Variants in OPTC observed in about 807,000 individuals in gnomAD.
OPTC encodes the protein oculoglycan.
Under a neutral mutation model 25.4 loss-of-function variants are expected in OPTC, and 22 were observed. The observed-to-expected ratio is 0.87, with a 90% CI of 0.62 to 1.24. The LOEUF is 1.24. OPTC is among the 50% of genes most tolerant of loss of function. OPTC has a pLI of 0.00. For missense variants in OPTC, 417 were observed against 425.2 expected (o/e 0.98, Z 0.17); for synonymous variants, 169 against 179.3 (o/e 0.94, Z 0.46).
intron 1 of OPTC, among the ~76,000 whole-genome samples, chr1:203,494,465 C>T (rs1661246693): frequency 6.6e-6 from 1 of 152,026 alleles, no homozygotes; most frequent in East Asian, 1.9e-4. Context: ...AGGCTTGCCC[C>T]CTTGCCCAGC....
intron 5 of OPTC, among the ~76,000 whole-genome samples, chr1:203,500,165 C>A (rs372556756): frequency 4.2e-3 from 10 of 2,408 alleles, no homozygotes; most frequent in Non-Finnish European, 2.9e-3. Flanking sequence ...CCTCCACCAC[C>A]CACCTCCACC....
rs910074933 is a variant in OPTC at position 203,499,603 on chromosome 1, T to C, written c.530-46T>C. 9.4e-6 allele frequency: 14 copies of C among 1,493,402 alleles called. No individual in the cohort carries two copies. In the East Asian group the frequency reaches 2.7e-4, roughly 29 times the overall value. The allele number at this position is 1,493,402 out of a possible 1,614,324, so 92.5% of individuals were successfully genotyped here. ...CAGCTCCAACCTGGACAAGGAAAGA[T>C]AGTGTGTTCTGGTTTCTCTCTTTGT... On this transcript the variant is annotated intron_variant, in intron 4 of 7. Transcript: ENST00000367222.
chr1:203,499,499 C>T, intron 4 of OPTC, 150 bp from the exon 5 acceptor site: 3 of 769,584 alleles, frequency 3.9e-6, no homozygotes, highest in South Asian at 2.7e-5. Flanking sequence ...TATGTTATTT[C>T]CTCTGGTTTG....
chr1:203,503,046 C>T (rs774316936), intron 6 of OPTC, 37 bp downstream of exon 6: 4 of 1,523,902 alleles, frequency 2.6e-6, no homozygotes, highest in African/African-American at 1.4e-5. Context: ...TGATAAACAG[C>T]GTGGAGGATG....
chr1:203,496,984 T>C lies in OPTC; in HGVS notation c.239T>C (p.Val80Ala). Residue 80 changes from valine (V) to alanine (A), a missense_variant, in exon 3 of 8, where the codon GTG becomes GCG. By Grantham distance (64) the Val-to-Ala change is moderately conservative (BLOSUM62 0). Coordinates refer to ENST00000367222, the MANE Select transcript of OPTC (RefSeq NM_014359.4). ...TCTGTGCTACATCTCCAGGTTAAGG[T>C]GACTAGCCTCGCTCCTGCAACCAGC... ...DYGDQLPEVK[V>A]TSLAPATSIS... The C allele has an allele frequency of 6.2e-7, 1 of 1,614,006 alleles. No homozygotes were observed. The highest frequency in any genetic ancestry group is 8.5e-7 in the Non-Finnish European group (1 of 1,180,010).
chr1:203,507,568 G>A (rs180711833), intron 7 of OPTC, among the ~76,000 whole-genome samples: 4 of 152,218 alleles, frequency 2.6e-5, no homozygotes, highest in Non-Finnish European at 4.4e-5. Flanking sequence ...CTGTGTGAAG[G>A]GGAGTGCCTC....
rs765066463 is a variant in OPTC, at chr1:203,502,873, C to G, written c.733-41C>G. On this transcript the variant is annotated intron_variant, in intron 5 of 7. Coordinates refer to ENST00000367222, the MANE Select transcript of OPTC (RefSeq NM_014359.4). Reference sequence around the variant, plus strand: ...AGCCCTCCTCACTGCCAGGGTCCAACAGGACCCACCAGCCTCCTACACTCT... The same window carrying G: ...AGCCCTCCTCACTGCCAGGGTCCAAGAGGACCCACCAGCCTCCTACACTCT... 1.0e-5 allele frequency: 15 copies of G among 1,487,020 alleles called. No homozygotes were observed. The African/African-American group carries it at 1.8e-4, about 18-fold the overall frequency. 92.1% of individuals were successfully genotyped at this position (1,487,020 alleles called of 1,614,324 possible). A position where few individuals can be genotyped will look rare whatever the true frequency, so the allele number is the denominator to read the frequency against.
rs1031555242 is a variant in OPTC at position 203,499,749 on chromosome 1, G to C, written c.630G>C (p.Glu210Asp). The C allele has an allele frequency of 9.3e-6, 15 of 1,613,092 alleles. No individual in the cohort carries two copies. Among genetic ancestry groups the C allele is most frequent in the South Asian group, 2.2e-5 (2 of 91,074 alleles). The change falls in exon 5 of 8, where the codon GAG becomes GAC. Residue 210 changes from glutamate to aspartate, a missense_variant. Transcript: ENST00000367222. The stretch of plus-strand genomic sequence containing the variant: ...CCCTCCAGGACCTCATCCTCCCAGA[G>C]AACCAGTTGGAAGCTCTGCCCGTGC... ...LHALQDLILP[E>D]NQLEALPVLP...
rs566223118 is a variant in OPTC at position 203,498,561 on chromosome 1, G to A, written c.371-120G>A. The A allele has an allele frequency of 4.6e-4, 557 of 1,218,740 alleles. 2 individuals are homozygous for A. The highest frequency in any genetic ancestry group is 7.4e-4 in the Admixed American group (43 of 58,476). The allele number at this position is 1,218,740 out of a possible 1,614,324, so 75.5% of individuals were successfully genotyped here. A position where few individuals can be genotyped will look rare whatever the true frequency, so the allele number is the denominator to read the frequency against. On this transcript the variant is annotated intron_variant, in intron 3 of 7. Coordinates refer to ENST00000367222, the MANE Select transcript of OPTC (RefSeq NM_014359.4). ...ACATGGTGCCCGTCAGTTCTGGGCA[G>A]CAACCCATAGGCTATCAAAAAGGCA...
At position 203,499,743 on chromosome 1, in the gene OPTC, C is replaced by T. The variant is rs754949567; in HGVS notation, c.624C>T (p.Leu208=). ...TACATGCCCTCCAGGACCTCATCCTCCCAGAGAACCAGTTGGAAGCTCTGC... is the reference window on the plus strand; with the variant it reads ...TACATGCCCTCCAGGACCTCATCCTTCCAGAGAACCAGTTGGAAGCTCTGC... The part of the protein sequence containing the change: ...RLLHALQDLI[L]PENQLEALPV... The change falls in exon 5 of 8, where the codon CTC becomes CTT. Residue 208 remains leucine (L), a synonymous_variant. Transcript: ENST00000367222. 5.0e-6 allele frequency: 8 copies of T among 1,613,358 alleles called. No homozygotes were observed. The highest frequency in any genetic ancestry group is 1.6e-4 in the Middle Eastern group (1 of 6,062).
intron 5 of OPTC, among the ~76,000 whole-genome samples, chr1:203,502,195 G>A (rs754298401): frequency 1.3e-5 from 2 of 152,172 alleles, no homozygotes; most frequent in Admixed American, 6.5e-5. Flanking sequence ...CCTGCTGAAG[G>A]CTTGTCTCTT....
chr1:203,499,589 T>G (rs1221111746), intron 4 of OPTC, 60 bp from the exon 5 acceptor site: 1 of 1,450,156 alleles, frequency 6.9e-7, no homozygotes. Context: ...AGCTCCAACC[T>G]GGACAAGGAA....
intron 3 of OPTC, 119 bp from the exon 4 acceptor site, chr1:203,498,562 C>A: frequency 8.1e-7 from 1 of 1,232,820 alleles, no homozygotes; most frequent in Non-Finnish European, 1.2e-6. Flanking sequence ...TTCTGGGCAG[C>A]AACCCATAGG....
At position 203,502,972 on chromosome 1, in the gene OPTC, G is replaced by A; in HGVS notation, c.791G>A (p.Gly264Glu). The A allele has an allele frequency of 6.2e-7, 1 of 1,613,954 alleles. No homozygotes were observed. The highest frequency in any genetic ancestry group is 8.5e-7 in the Non-Finnish European group (1 of 1,180,040). ...GACAACCTGCTGGATTCTATCCCGG[G>A]GCCTTTGCCCCTGAGCCTGCGCTCT... ...LSDNLLDSIP[G>E]PLPLSLRSVH... The change falls in exon 6 of 8, where the codon GGG becomes GAG. Residue 264 changes from glycine to glutamate, a missense_variant. Gly to Glu is a moderately conservative substitution (Grantham distance 98). Transcript: ENST00000367222.
rs1363761961 is a variant in OPTC at position 203,497,918 on chromosome 1, A to G, written c.371-763A>G. The stretch of plus-strand genomic sequence containing the variant: ...CTCCTCCTGGTCACTGCTGGCAGAG[A>G]AGAGCTCCTTAATCTGGGGGCTGTG... On this transcript the variant is annotated intron_variant, in intron 3 of 7. Coordinates refer to ENST00000367222, the MANE Select transcript of OPTC (RefSeq NM_014359.4). 2.6e-5 allele frequency among the ~76,000 whole-genome samples: 4 copies of G among 152,156 alleles called. No individual in the cohort carries two copies. In the East Asian group the frequency reaches 7.7e-4, roughly 29 times the overall value.
chr1:203,497,797 A>G (rs1661304871), intron 3 of OPTC, among the ~76,000 whole-genome samples: 1 of 152,184 alleles, frequency 6.6e-6, no homozygotes, highest in South Asian at 2.1e-4. Flanking sequence ...TCAGAGCTAC[A>G]GTCTCAGGCT....
intron 7 of OPTC, among the ~76,000 whole-genome samples, chr1:203,504,854 C>T (rs1245602619): frequency 6.6e-6 from 1 of 152,216 alleles, no homozygotes; most frequent in East Asian, 1.9e-4. Flanking sequence ...TGTTCGACCA[C>T]CAGAGGGCAG....
chr1:203,502,229 C>G (rs1661401840), intron 5 of OPTC, among the ~76,000 whole-genome samples: 1 of 152,196 alleles, frequency 6.6e-6, no homozygotes. Context: ...CTGATTAACA[C>G]TGTCTAATTC....
intron 6 of OPTC, 58 bp from the exon 7 acceptor site, chr1:203,503,492 G>C (rs543571316): frequency 1.9e-6 from 3 of 1,560,224 alleles, no homozygotes; most frequent in South Asian, 1.1e-5. Flanking sequence ...TGAGCCTTTG[G>C]TGCTGCTTAA....
Sources: gnomAD v4.1 joint callset for allele counts (sites outside exome capture counted in the v4.1 genomes callset) on GRCh38, gnomAD v4.1.1 for gene constraint, MANE v1.5 for transcripts, NCBI Gene and HGNC (gene_info 2026-07-23, HGNC 2026-07-21) for gene names.